Variants in IGF2R observed in about 807,000 individuals in gnomAD.
The protein encoded by IGF2R is insulin like growth factor 2 receptor, also known as cation-independent mannose-6-phosphate receptor.
A neutral mutation model predicts 270.6 loss-of-function variants in IGF2R; 91 were observed. That is an observed-to-expected ratio of 0.34 (90% CI 0.28 to 0.40). The LOEUF (loss-of-function observed/expected upper bound fraction) is 0.40. IGF2R is among the 10% of genes least tolerant of loss of function. The pLI, the probability that IGF2R is intolerant of heterozygous loss-of-function variation, is 1.00. For missense variants in IGF2R, 2,805 were observed against 3,188.3 expected, an observed-to-expected ratio of 0.88 and a Z score of 2.90; for synonymous variants, 1,316 against 1,258.9, an observed-to-expected ratio of 1.05 and a Z score of -0.96.
chr6:159,975,701 T>TATATATATATATAA (rs1554234055), intron 1 of IGF2R, among the ~76,000 whole-genome samples: 87 of 146,640 alleles, frequency 5.9e-4, no homozygotes, highest in African/African-American at 1.9e-3. Context: ...TATATATATA[T>TATATATATATATAA]AAAGTATATG....
Position 160,067,005 on chromosome 6 carries a change from G to C in IGF2R, c.4116-1244G>C, listed in dbSNP as rs148274409. Among the ~76,000 whole-genome samples, 59 of 152,284 alleles carry C rather than the reference G, an allele frequency of 3.9e-4. 1 individual carries two copies. Among genetic ancestry groups the C allele is most frequent in the African/African-American group, 1.4e-3 (58 of 41,548 alleles). Reference sequence around the variant, plus strand: ...TTTGGTTAGTCCCACACAGTAATTAGAATGATCCTCTTGAGATATAAGTCC... The same window carrying C: ...TTTGGTTAGTCCCACACAGTAATTACAATGATCCTCTTGAGATATAAGTCC... On this transcript the variant is annotated intron_variant, in intron 29 of 47. Transcript: ENST00000356956.
chr6:160,030,643 C>T lies in IGF2R; in HGVS notation c.882+988C>T, dbSNP rs73785019. ...TTAAGCCCAGTGAGATGTTCTCAGG[C>T]GGTAGTGGTTTTAGTGTTTTCCCTT... is the stretch of plus-strand genomic sequence containing the variant. On this transcript the variant is annotated intron_variant, in intron 7 of 47. Coordinates refer to ENST00000356956, the MANE Select transcript of IGF2R (RefSeq NM_000876.4). Among the ~76,000 whole-genome samples, 823 of 124,208 alleles carry T rather than the reference C, an allele frequency of 6.6e-3. 8 individuals carry two copies. Among genetic ancestry groups the T allele is most frequent in the African/African-American group, 0.02 (778 of 38,336 alleles). The allele number at this position is 124,208 out of a possible 152,430, so 81.5% of individuals were successfully genotyped here.
At chr6:160,066,997 A>G (rs1778598927) in intron 29 of IGF2R, among the ~76,000 whole-genome samples, 1 of 152,212 alleles carries the variant, frequency 6.6e-6, no homozygotes. Flanking sequence ...AGTCCCACAC[A>G]GTAATTAGAA....
chr6:160,069,511 A>G (rs1778667775), intron 30 of IGF2R, among the ~76,000 whole-genome samples: 2 of 152,210 alleles, frequency 1.3e-5, no homozygotes, highest in Admixed American at 1.3e-4. Context: ...TAGCTTCTTG[A>G]ATAAAGAAGG....
chr6:160,017,027 A>G (rs1296639913), intron 4 of IGF2R, among the ~76,000 whole-genome samples: 1 of 152,272 alleles, frequency 6.6e-6, no homozygotes, highest in East Asian at 1.9e-4. Flanking sequence ...CCAAAGTGAA[A>G]TGCTTGAAAT....
intron 10 of IGF2R, among the ~76,000 whole-genome samples, chr6:160,036,012 G>A (rs1488727313): frequency 6.6e-6 from 1 of 152,196 alleles, no homozygotes; most frequent in Non-Finnish European, 1.5e-5. Context: ...TGGACCAGGG[G>A]AACTGCGAGC....
In IGF2R at chr6:159,971,080, A is replaced by C. The variant is rs543547389; in HGVS notation, c.149+1685A>C. ...GGGCGACAGAGCAAGGCCCTGTCTC[A>C]AAAATAAATAAATAAATACAATAAG... On this transcript the variant is annotated intron_variant, in intron 1 of 47. Transcript: ENST00000356956. Among the ~76,000 whole-genome samples, 24 of 152,350 alleles carry C rather than the reference A, an allele frequency of 1.6e-4. No homozygotes were observed. In the East Asian group the frequency reaches 4.6e-3, roughly 29 times the overall value.
intron 4 of IGF2R, among the ~76,000 whole-genome samples, chr6:160,012,890 G>A (rs895616275): frequency 1.3e-5 from 2 of 151,608 alleles, no homozygotes; most frequent in African/African-American, 4.8e-5. Flanking sequence ...GCCTCCCAAA[G>A]TGCTGGGATT....
chr6:160,100,951 C>A (rs1779473155), intron 45 of IGF2R, among the ~76,000 whole-genome samples: 1 of 150,922 alleles, frequency 6.6e-6, no homozygotes, highest in South Asian at 2.1e-4. Flanking sequence ...CCACTACCTC[C>A]TGGCTAATTT....
intron 2 of IGF2R, among the ~76,000 whole-genome samples, chr6:159,992,834 A>G (rs1784000021): frequency 6.6e-6 from 1 of 152,134 alleles, no homozygotes; most frequent in South Asian, 2.1e-4. Flanking sequence ...ATAGATCTCT[A>G]TACTGTTTTC....
At chr6:160,041,383 C>T (rs1056997500) in intron 11 of IGF2R, among the ~76,000 whole-genome samples, 4 of 152,050 alleles carry the variant, frequency 2.6e-5, no homozygotes, top group Non-Finnish European at 4.4e-5. Flanking sequence ...CCAGAACAGT[C>T]ACAGAACTGC....
chr6:159,970,509 C>T (rs1046061328), intron 1 of IGF2R, among the ~76,000 whole-genome samples: 1 of 152,064 alleles, frequency 6.6e-6, no homozygotes. Context: ...GTGTTCAGAA[C>T]ATGCAGAAAT....
chr6:160,033,021 TAAA>T lies in IGF2R; in HGVS notation c.1129_1131del (p.Lys377del). ...GAGAAACTGAAATACAGTTCTGTAA[TAAA>T]AAACAAGCTGCAGTTTGCCAAGTGA... On this transcript the variant is annotated inframe_deletion, in exon 9 of 48. Coordinates refer to ENST00000356956, the MANE Select transcript of IGF2R (RefSeq NM_000876.4). 6.2e-7 allele frequency: 1 copy of T among 1,610,382 alleles called. No homozygotes were observed. The highest frequency in any genetic ancestry group is 2.2e-5 in the East Asian group (1 of 44,848).
At chr6:160,080,312 G>GGCCTTGAT (rs770296402) in intron 39 of IGF2R, 37 bp downstream of exon 39, 2 of 1,600,136 alleles carry the variant, frequency 1.2e-6, no homozygotes, top group Non-Finnish European at 1.7e-6. Context: ...CATGGCCTGG[G>GGCCTTGAT]GCCTTGATAC....
chr6:160,101,367 C>T (rs531641405), intron 45 of IGF2R, among the ~76,000 whole-genome samples: 6 of 152,290 alleles, frequency 3.9e-5, no homozygotes, highest in African/African-American at 1.4e-4. Context: ...GTCTGCATAG[C>T]TCTCAGACCT....
rs150681261 is a variant in IGF2R, at chr6:160,075,655, T to A, written c.5167-192T>A. Among the ~76,000 whole-genome samples the A allele has an allele frequency of 2.6e-3, 391 of 152,348 alleles. 1 individual carries two copies. The highest frequency in any genetic ancestry group is 0.01 in the Middle Eastern group (3 of 294). ...ACGTTAGGATCAAAACGATAACCAC[T>A]GACATACGGAGGTTACACAGCATCT... On this transcript the variant is annotated intron_variant, in intron 35 of 47. Transcript: ENST00000356956.
intron 25 of IGF2R, 146 bp downstream of exon 25, chr6:160,062,074 C>A: frequency 1.4e-6 from 1 of 708,042 alleles, no homozygotes. Flanking sequence ...CGAGAATGCA[C>A]TCATTTCTTC....
intron 43 of IGF2R, among the ~76,000 whole-genome samples, 162 bp downstream of exon 43, chr6:160,089,415 TACTC>T (rs763613288): frequency 3.0e-4 from 45 of 152,364 alleles, no homozygotes; most frequent in Non-Finnish European, 1.5e-4. Context: ...GGAAAAGCGT[TACTC>T]AATCATTAAG....
At chr6:160,071,681 G>A (rs557349017) in intron 31 of IGF2R, among the ~76,000 whole-genome samples, 30 of 152,230 alleles carry the variant, frequency 2.0e-4, no homozygotes, top group Non-Finnish European at 3.1e-4. Context: ...TAAGTGTGTT[G>A]CTGCCTGTGG....
Sources: gnomAD v4.1 joint callset for allele counts (sites outside exome capture counted in the v4.1 genomes callset) on GRCh38, gnomAD v4.1.1 for gene constraint, MANE v1.5 for transcripts, NCBI Gene and HGNC (gene_info 2026-07-23, HGNC 2026-07-21) for gene names.